Variants in HAUS7 observed in about 807,000 individuals in gnomAD.
HAUS7 encodes the protein HAUS augmin-like complex subunit 7.
In HAUS7, 3 loss-of-function variants were observed where a neutral mutation model predicts 28.4. The observed-to-expected ratio is 0.11, with a 90% confidence interval of 0.05 to 0.27. The LOEUF is 0.27. HAUS7 is among the 10% of genes least tolerant of loss of function. The pLI is 1.00. For missense variants in HAUS7, 284 were observed against 297.3 expected (o/e 0.96, Z 0.33); for synonymous variants, 165 against 132.1 (o/e 1.25, Z -1.71).
At chrX:153,459,732 G>A (rs1191523552) in intron 4 of HAUS7, among the ~76,000 whole-genome samples, 2 of 112,409 alleles carry the variant, frequency 1.8e-5, no homozygotes, top group Non-Finnish European at 3.8e-5. Context: ...AATATATGCG[G>A]AGGACGGGCA....
At position 153,458,087 on chromosome X, in the gene HAUS7, A is replaced by G. The variant is rs376756447; in HGVS notation, c.355-859T>C. On this transcript the variant is annotated intron_variant, in intron 4 of 9. Coordinates refer to ENST00000370211, the MANE Select transcript of HAUS7 (RefSeq NM_001385482.1). ...GGGAAGCTGCCAGAGCAGCTGGCTG[A>G]GCCAGTCCGTTCTGGTGCATTCCTC... 3.3e-4 allele frequency among the ~76,000 whole-genome samples: 37 copies of G among 113,561 alleles called. 2 individuals are homozygous for G. The highest frequency in any genetic ancestry group is 2.2e-3 in the Admixed American group (24 of 10,861).
intron 1 of HAUS7, among the ~76,000 whole-genome samples, chrX:153,480,194 G>A (rs782005844): frequency 9.1e-6 from 1 of 110,134 alleles, no homozygotes; most frequent in African/African-American, 3.3e-5. Context: ...GGGGAGGTGG[G>A]ACCCAAGGTC....
chrX:153,487,780 A>G (rs1265121622), intron 1 of HAUS7, among the ~76,000 whole-genome samples: 1 of 112,208 alleles, frequency 8.9e-6, no homozygotes, highest in Admixed American at 9.4e-5. Context: ...TGACCTCCCC[A>G]TGTGCCAGGA....
upstream of HAUS7, chrX:153,470,715 GGGCTCCCACCCC>G (rs1162924173): frequency 2.5e-6 from 2 of 794,172 alleles, no homozygotes; most frequent in East Asian, 7.0e-5. Flanking sequence ...CGCGGGCCCC[GGGCTCCCACCCC>G]CCGCCCCGGC....
chrX:153,477,529 G>A lies in HAUS7; in HGVS notation c.-588-6384C>T, dbSNP rs782333572. On this transcript the variant is annotated intron_variant, in intron 1 of 5. Transcript: ENST00000370210. ...TTCTCTGTTCCTTCTCTGTAAAATG[G>A]GGGGTCGACTGTGCTCTGTCTTGCA... 2.8e-4 allele frequency among the ~76,000 whole-genome samples: 32 copies of A among 113,050 alleles called. 1 individual carries two copies. The highest frequency in any genetic ancestry group is 1.9e-5 in the Non-Finnish European group (1 of 53,280).
intron 9 of HAUS7, 30 bp downstream of exon 9, chrX:153,454,364 A>T: frequency 1.2e-6 from 1 of 863,992 alleles, no homozygotes; most frequent in Non-Finnish European, 1.7e-6. Context: ...GGGCAGCCCC[A>T]GGCAGAGGGC....
chrX:153,470,402 G>A (rs782444638), intron 1 of HAUS7, 48 bp downstream of exon 1: 3 of 1,178,204 alleles, frequency 2.5e-6, no homozygotes, highest in Non-Finnish European at 2.3e-6. Flanking sequence ...CTCGGGCGGG[G>A]CCCTCCCCGG....
chrX:153,456,522 G>A lies in HAUS7; in HGVS notation c.576C>T (p.Leu192=). 5.9e-6 allele frequency: 7 copies of A among 1,179,788 alleles called. No homozygotes were observed. Among genetic ancestry groups the A allele is most frequent in the Non-Finnish European group, 8.0e-6 (7 of 879,462 alleles). The change falls in exon 6 of 10, where the codon CTC becomes CTT. Residue 192 remains leucine, a synonymous_variant. Coordinates refer to ENST00000370211, the MANE Select transcript of HAUS7 (RefSeq NM_001385482.1). ...GCCAGTCATCACTCTGCTTGTTGAG[G>A]AGGGGCTGCATGTCCAGGGGCCACG... The part of the protein sequence containing the change: ...CDPWPLDMQP[L]LNKQSDDWQW...
chrX:153,455,404 C>G, intron 8 of HAUS7, 138 bp downstream of exon 8: 1 of 471,065 alleles, frequency 2.1e-6, no homozygotes, highest in Non-Finnish European at 3.6e-6. Flanking sequence ...CCCAGCCCAG[C>G]CCCTCCCAGC....
At chrX:153,449,390 T>C (rs1253552021) in intron 9 of HAUS7, among the ~76,000 whole-genome samples, 14 of 112,430 alleles carry the variant, frequency 1.2e-4, no homozygotes, top group Non-Finnish European at 2.6e-4. Flanking sequence ...CCACTCGCCA[T>C]CAGCTTCCAG....
chrX:153,482,521 A>C, intron 1 of HAUS7: 1 of 747,286 alleles, frequency 1.3e-6, no homozygotes, highest in African/African-American at 2.3e-5. Flanking sequence ...CCCCACCCCC[A>C]GGACAGGGGC....
At chrX:153,470,577 G>T (rs1424477873), upstream of HAUS7, 3 of 1,203,654 alleles carry the variant, frequency 2.5e-6, no homozygotes, top group Non-Finnish European at 3.4e-6. Flanking sequence ...TCCGAGCCGC[G>T]CCCCGCCCAT....
At chrX:153,486,838 C>T (rs1556988701) in intron 1 of HAUS7, 1 of 974,167 alleles carries the variant, frequency 1.0e-6, no homozygotes, top group Non-Finnish European at 1.3e-6. Flanking sequence ...CTCCAGCACA[C>T]ACTCTGCTTC....
chrX:153,479,689 G>A (rs1164902402), intron 1 of HAUS7, among the ~76,000 whole-genome samples: 1 of 112,084 alleles, frequency 8.9e-6, no homozygotes, highest in African/African-American at 3.2e-5. Context: ...GTGAAGTGGG[G>A]TTGCTGGCAG....
upstream of HAUS7, among the ~76,000 whole-genome samples, chrX:153,472,452 ACCCACCACCCG>A (rs2089534759): frequency 1.8e-4 from 2 of 11,374 alleles, no homozygotes; most frequent in African/African-American, 6.8e-4. Context: ...ACCACCTGCC[ACCCACCACCCG>A]CCCCCAGAAT....
chrX:153,475,754 C>T (rs1556986145), intron 1 of HAUS7, among the ~76,000 whole-genome samples: 2 of 112,459 alleles, frequency 1.8e-5, no homozygotes, highest in East Asian at 5.6e-4. Context: ...TGGGGGTCAC[C>T]CCAAGGCTGT....
At chrX:153,488,035 C>T (rs1325904187) in intron 1 of HAUS7, among the ~76,000 whole-genome samples, 1 of 112,990 alleles carries the variant, frequency 8.9e-6, no homozygotes, top group Non-Finnish European at 1.9e-5. Context: ...GCAGGGAACA[C>T]GACAGCCACT....
chrX:153,487,275 C>G (rs1212619702), intron 1 of HAUS7, among the ~76,000 whole-genome samples: 1 of 111,800 alleles, frequency 8.9e-6, no homozygotes, highest in Non-Finnish European at 1.9e-5. Flanking sequence ...GGGGCAGCAT[C>G]TGCACCTGAT....
At chrX:153,467,437 C>T (rs1692930924) in intron 2 of HAUS7, among the ~76,000 whole-genome samples, 1 of 111,759 alleles carries the variant, frequency 8.9e-6, no homozygotes, top group South Asian at 3.7e-4. Context: ...GGCCTTGGCA[C>T]AGCATGCAAG....
Sources: allele counts gnomAD v4.1 joint callset (sites outside exome capture counted in the v4.1 genomes callset), GRCh38; gene constraint gnomAD v4.1.1; transcripts MANE v1.5; gene names NCBI Gene and HGNC (gene_info 2026-07-23, HGNC 2026-07-21).